Variants in AGR2 observed in about 807,000 individuals in gnomAD.
AGR2 encodes the protein anterior gradient 2, protein disulphide isomerase family member.
A neutral mutation model predicts 25.9 loss-of-function variants in AGR2; 27 were observed. The observed-to-expected ratio is 1.04, with a 90% CI of 0.77 to 1.44. The LOEUF (loss-of-function observed/expected upper bound fraction) is 1.44. AGR2 is among the 40% of genes most tolerant of loss of function. The pLI is 0.00. For synonymous variants in AGR2, 78 were observed against 72.0 expected (o/e 1.08, Z -0.42); for missense variants, 182 against 200.9 (o/e 0.91, Z 0.57).
chr7:16,792,190 C>G lies in AGR2; in HGVS notation c.*718G>C, dbSNP rs560730163. On this transcript the variant is annotated 3_prime_UTR_variant, in exon 8 of 8. Transcript: ENST00000419304. ...TTGACAGACAAATCGATTACAAGGT[C>G]AATTCCCAGGATTTCTTCAGGGTGT... 2 of 152,326 alleles carry G rather than the reference C, an allele frequency of 1.3e-5. No individual in the cohort carries two copies. The highest frequency in any genetic ancestry group is 1.3e-4 in the Admixed American group (2 of 15,296). The allele number at this position is 152,326 out of a possible 1,614,324, so 9.4% of individuals were successfully genotyped here.
At chr7:16,804,740 G>A (rs1474888340) in intron 1 of AGR2, among the ~76,000 whole-genome samples, 195 bp downstream of exon 1, 2 of 151,912 alleles carry the variant, frequency 1.3e-5, no homozygotes, top group Non-Finnish European at 2.9e-5. Context: ...ACGTCACACT[G>A]TGCCAGCTCT....
chr7:16,799,969 A>T, intron 4 of AGR2, 152 bp from the exon 5 acceptor site: 1 of 602,618 alleles, frequency 1.7e-6, no homozygotes, highest in South Asian at 2.1e-5. Context: ...TTAGTGAAGT[A>T]ATATCTATGG....
At position 16,794,917 on chromosome 7, in the gene AGR2, A is replaced by C. The variant is rs765739624; in HGVS notation, c.478+19T>G. On this transcript the variant is annotated intron_variant, in intron 7 of 7. Coordinates refer to ENST00000419304, the MANE Select transcript of AGR2 (RefSeq NM_006408.4). Reference sequence around the variant, plus strand: ...GTGTTCAACTCTTGGGCAACATCCGAATTGAAGGTCACACTTACACAGAGC... The same window carrying C: ...GTGTTCAACTCTTGGGCAACATCCGCATTGAAGGTCACACTTACACAGAGC... The C allele has an allele frequency of 6.2e-7, 1 of 1,614,118 alleles. No individual in the cohort carries two copies. Among genetic ancestry groups the C allele is most frequent in the South Asian group, 1.1e-5 (1 of 91,072 alleles).
chr7:16,804,167 A>G (rs2115363650), intron 1 of AGR2, among the ~76,000 whole-genome samples: 1 of 150,080 alleles, frequency 6.7e-6, no homozygotes, highest in South Asian at 2.1e-4. Flanking sequence ...GAGTTTTCGT[A>G]ATGTGAATAG....
intron 6 of AGR2, among the ~76,000 whole-genome samples, 171 bp downstream of exon 6, chr7:16,797,460 A>G (rs1412482099): frequency 6.6e-6 from 1 of 152,198 alleles, no homozygotes; most frequent in African/African-American, 2.4e-5. Flanking sequence ...GTAAAAGCTC[A>G]CATTTTCTAA....
At chr7:16,799,867 A>T in intron 4 of AGR2, 50 bp from the exon 5 acceptor site, 1 of 1,288,234 alleles carries the variant, frequency 7.8e-7, no homozygotes, top group Non-Finnish European at 1.1e-6. Context: ...ATTGGTTAAA[A>T]GCTTTGTTCA....
chr7:16,796,625 A>G (rs987696167), intron 6 of AGR2, among the ~76,000 whole-genome samples: 15 of 152,226 alleles, frequency 9.9e-5, no homozygotes, highest in African/African-American at 3.6e-4. Context: ...AGCCTACTGC[A>G]GGGTCACGTT....
chr7:16,802,652 G>T (rs1303295162), intron 1 of AGR2, among the ~76,000 whole-genome samples: 2 of 152,048 alleles, frequency 1.3e-5, no homozygotes, highest in Non-Finnish European at 2.9e-5. Flanking sequence ...ACTTCTGTAA[G>T]TTGGGACTGT....
At chr7:16,803,668 C>T (rs1045519411) in intron 1 of AGR2, among the ~76,000 whole-genome samples, 1 of 152,098 alleles carries the variant, frequency 6.6e-6, no homozygotes, top group Non-Finnish European at 1.5e-5. Context: ...ATTTTCTATA[C>T]CTACAAAGAT....
rs1246746265 is a variant in AGR2, at chr7:16,792,212, G to A, written c.*696C>T. ...GGTCAATTCCCAGGATTTCTTCAGG[G>A]TGTGTTCAGGAGTGCAGATGTTCTT... On this transcript the variant is annotated 3_prime_UTR_variant, in exon 8 of 8. Coordinates refer to ENST00000419304, the MANE Select transcript of AGR2 (RefSeq NM_006408.4). The A allele has an allele frequency of 6.6e-6, 1 of 152,252 alleles. No individual in the cohort carries two copies. Among genetic ancestry groups the A allele is most frequent in the East Asian group, 1.9e-4 (1 of 5,204 alleles). 9.4% of individuals were successfully genotyped at this position (152,252 alleles called of 1,614,324 possible). A position where few individuals can be genotyped will look rare whatever the true frequency, so the allele number is the denominator to read the frequency against.
At chr7:16,798,322 T>C (rs74371294) in intron 5 of AGR2, among the ~76,000 whole-genome samples, 1,865 of 152,054 alleles carry the variant, frequency 0.012, 30 homozygotes, top group African/African-American at 0.043. Flanking sequence ...GTCAGTTAGG[T>C]GGAAAAGAAA....
At chr7:16,799,483 C>G (rs1302588279) in intron 5 of AGR2, 1 of 399,798 alleles carries the variant, frequency 2.5e-6, no homozygotes, top group Non-Finnish European at 4.5e-6. Context: ...GTAACAAAAA[C>G]CTTCCAGCAA....
At position 16,801,676 on chromosome 7, in the gene AGR2, G is replaced by A; in HGVS notation, c.121C>T (p.Pro41Ser). 6.2e-7 allele frequency: 1 copy of A among 1,613,844 alleles called. No homozygotes were observed. The highest frequency in any genetic ancestry group is 8.5e-7 in the Non-Finnish European group (1 of 1,179,972). ...CTCCTACCTCTGGAGAGGGTCTGGGGCAGTTTGGGTCGAGAGTCCTTTGTG... is the reference window on the plus strand; with the variant it reads ...CTCCTACCTCTGGAGAGGGTCTGGGACAGTTTGGGTCGAGAGTCCTTTGTG... ...KDTKDSRPKL[P>S]QTLSRGWGDQ... Residue 41 changes from proline (P) to serine (S), a missense_variant, in exon 2 of 8, where the codon CCC (proline) becomes TCC (serine). By Grantham distance (74) the Pro-to-Ser change is moderately conservative. Coordinates refer to ENST00000419304, the MANE Select transcript of AGR2 (RefSeq NM_006408.4).
intron 4 of AGR2, among the ~76,000 whole-genome samples, chr7:16,800,272 A>T (rs997360289): frequency 1.1e-4 from 17 of 152,254 alleles, no homozygotes; most frequent in African/African-American, 3.9e-4. Context: ...GTCAGGGCAG[A>T]TCTTCCTGAG....
intron 4 of AGR2, 150 bp downstream of exon 4, chr7:16,801,001 T>A: frequency 1.7e-6 from 1 of 590,420 alleles, no homozygotes; most frequent in East Asian, 2.8e-5. Context: ...TGTGGAGATA[T>A]TTGAAGTCAC....
Position 16,799,786 on chromosome 7 carries a change from T to G in AGR2, c.288A>C (p.Glu96Asp), listed in dbSNP as rs770518161. The stretch of plus-strand genomic sequence containing the variant: ...CAAACTGCTCTGCCAATTTCTGGAT[T>G]TCTTTATTTTCAGCAAACACTTTCT... ...ALKKVFAENKEIQKLAEQFVL... is the reference protein window; with the variant it reads ...ALKKVFAENKDIQKLAEQFVL... Residue 96 changes from glutamate (E) to aspartate (D), a missense_variant, in exon 5 of 8, where the codon GAA becomes GAC. Glu to Asp is a conservative substitution (Grantham distance 45). Transcript: ENST00000419304. The G allele has an allele frequency of 1.9e-6, 3 of 1,613,212 alleles. No individual in the cohort carries two copies. The highest frequency in any genetic ancestry group is 2.7e-5 in the African/African-American group (2 of 74,894).
At chr7:16,796,449 T>C (rs1441330351) in intron 6 of AGR2, among the ~76,000 whole-genome samples, 2 of 152,232 alleles carry the variant, frequency 1.3e-5, no homozygotes, top group Non-Finnish European at 2.9e-5. Flanking sequence ...TTCCCTGCTT[T>C]GTACATTCAG....
Position 16,801,345 on chromosome 7 carries a change from C to T in AGR2, c.178G>A (p.Glu60Lys), listed in dbSNP as rs1180719025. 6.2e-7 allele frequency: 1 copy of T among 1,613,574 alleles called. No individual in the cohort carries two copies. Among genetic ancestry groups the T allele is most frequent in the Non-Finnish European group, 8.5e-7 (1 of 1,179,854 alleles). Residue 60 changes from glutamate to lysine, a missense_variant, in exon 3 of 8, where the codon GAA (glutamate) becomes AAA (lysine). Glu to Lys is a moderately conservative substitution (Grantham distance 56). Transcript: ENST00000419304. Reference sequence around the variant, plus strand: ...CTTGTCTTGGATTTATATAGAGCTTCTTCATATGTCTGAGTCCAGATGAGT... The same window carrying T: ...CTTGTCTTGGATTTATATAGAGCTTTTTCATATGTCTGAGTCCAGATGAGT... ...DQLIWTQTYEEALYKSKTSNK... is the reference protein window; with the variant it reads ...DQLIWTQTYEKALYKSKTSNK...
chr7:16,796,195 T>C (rs1785042923), intron 6 of AGR2, among the ~76,000 whole-genome samples: 1 of 152,146 alleles, frequency 6.6e-6, no homozygotes, highest in Non-Finnish European at 1.5e-5. Context: ...GGGTGGCTAC[T>C]ACGGAGCTAG....
Sources: allele counts gnomAD v4.1 joint callset (sites outside exome capture counted in the v4.1 genomes callset), GRCh38; gene constraint gnomAD v4.1.1; transcripts MANE v1.5; gene names NCBI Gene and HGNC (gene_info 2026-07-23, HGNC 2026-07-21).